Variants in PTOV1 observed in about 807,000 individuals in gnomAD.
The protein encoded by PTOV1 is prostate tumor-overexpressed gene 1 protein.
Under a neutral mutation model 58.0 loss-of-function variants are expected in PTOV1, and 20 were observed. The ratio of observed to expected loss-of-function variants is 0.34; its 90% confidence interval spans 0.24 to 0.50. The LOEUF (loss-of-function observed/expected upper bound fraction) is 0.50. PTOV1 is among the 20% of genes least tolerant of loss of function. The pLI, the probability that PTOV1 is intolerant of heterozygous loss-of-function variation, is 0.98. For synonymous variants in PTOV1, 335 were observed against 234.2 expected (o/e 1.43, Z -3.93); for missense variants, 593 against 565.4 (o/e 1.05, Z -0.50).
At chr19:49,860,376 G>A (rs1008067902) in exon 12 of PTOV1, 1 of 521,394 alleles carries the variant, frequency 1.9e-6, no homozygotes, top group Non-Finnish European at 3.5e-6. Flanking sequence ...GGACCCTGGG[G>A]CATGTGGGGG....
intron 5 of PTOV1, chr19:49,856,603 A>G: frequency 4.0e-6 from 1 of 247,670 alleles, no homozygotes; most frequent in Non-Finnish European, 7.9e-6. Context: ...GTGTTAGGTC[A>G]CACAGCTAGG....
intron 5 of PTOV1, 61 bp from the exon 6 acceptor site, chr19:49,856,914 G>A (rs1190817495): frequency 1.3e-6 from 2 of 1,597,070 alleles, no homozygotes; most frequent in Non-Finnish European, 1.7e-6. Context: ...GCGGTCCAGG[G>A]TGGTGGGGGC....
intron 1 of PTOV1, among the ~76,000 whole-genome samples, chr19:49,853,453 C>G (rs1027462983): frequency 1.4e-5 from 2 of 144,956 alleles, no homozygotes; most frequent in South Asian, 4.3e-4. Flanking sequence ...GTCAGGAGTT[C>G]GAGACCAGTC....
In PTOV1 at chr19:49,857,080, C is replaced by T; in HGVS notation, c.664C>T (p.Gln222Ter). 1 of 1,614,138 alleles carries T rather than the reference C, an allele frequency of 6.2e-7. No individual in the cohort carries two copies. The highest frequency in any genetic ancestry group is 8.5e-7 in the Non-Finnish European group (1 of 1,179,996). ...CTTCATGGGCCTCATCCCCTACGAC[C>T]AGAGCGGCTTCGTCAGTGCCATCCG... is the stretch of plus-strand genomic sequence containing the variant. The change falls in exon 6 of 12, where the codon CAG becomes TAG. Residue 222 changes from glutamine (Q) to a stop codon, truncating the protein, a stop_gained. Coordinates refer to ENST00000391842, the Ensembl canonical transcript of PTOV1. LOFTEE classifies it high-confidence loss of function.
intron 5 of PTOV1, chr19:49,856,690 T>A: frequency 2.4e-6 from 1 of 421,234 alleles, no homozygotes; most frequent in African/African-American, 2.0e-5. Context: ...TCAGGAGGGC[T>A]GGCGGCAGGG....
At chr19:49,859,943 C>T (rs372658361) in intron 10 of PTOV1, 43 bp from the exon 11 acceptor site, 22 of 1,602,284 alleles carry the variant, frequency 1.4e-5, no homozygotes, top group East Asian at 1.3e-4. Flanking sequence ...GGATGCTGGT[C>T]CCTGTGGTGC....
chr19:49,857,954 C>G (rs1276935311), exon 8 of PTOV1: 2 of 1,613,760 alleles, frequency 1.2e-6, no homozygotes, highest in Admixed American at 3.3e-5. Context: ...CATCCCACGT[C>G]TACGTGAACC....
chr19:49,851,128 T>A (rs2074223959), upstream of PTOV1: 4 of 1,333,240 alleles, frequency 3.0e-6, no homozygotes, highest in South Asian at 5.6e-5. Context: ...TCGGACGCGC[T>A]TGGTACGCGC....
Position 49,854,396 on chromosome 19 carries a change from T to A in PTOV1, c.172-10T>A, listed in dbSNP as rs1413180722. ...CTCAGTTTTCCCACCTATCCCCCAC[T>A]CCATTGCAGGAAGGTGCTCGGGTCT... On this transcript the variant is annotated splice_polypyrimidine_tract_variant and intron_variant, in intron 1 of 11. Coordinates refer to ENST00000391842, the Ensembl canonical transcript of PTOV1. 1 of 1,605,114 alleles carries A rather than the reference T, an allele frequency of 6.2e-7. No homozygotes were observed. The highest frequency in any genetic ancestry group is 1.7e-5 in the Admixed American group (1 of 59,598).
chr19:49,860,694 A>G (rs1217232313), exon 12 of PTOV1: 3 of 358,450 alleles, frequency 8.4e-6, no homozygotes, highest in African/African-American at 2.1e-5. Flanking sequence ...GCCTCCAAGG[A>G]CGGTCCCCAC....
chr19:49,854,675 C>T (rs1202961432), exon 3 of PTOV1: 6 of 1,613,380 alleles, frequency 3.7e-6, no homozygotes, highest in Admixed American at 3.3e-5. Context: ...ACTCTGACTC[C>T]ACTGCAAAGC....
At position 49,858,111 on chromosome 19, in the gene PTOV1, G is replaced by A. The variant is rs765512552; in HGVS notation, c.933G>A (p.Leu311=). 4.3e-6 allele frequency: 7 copies of A among 1,613,250 alleles called. No homozygotes were observed. The African/African-American group carries it at 6.7e-5, about 15-fold the overall frequency. ...ACATGCAGCTCATCCCGCAGCAGCT[G>A]CTGGTGAGGGGCTGGGGCCGGGTGC... is the stretch of plus-strand genomic sequence containing the variant. Residue 311 remains leucine (L), a synonymous_variant, in exon 9 of 12, where the codon CTG becomes CTA. Coordinates refer to ENST00000391842, the Ensembl canonical transcript of PTOV1.
chr19:49,851,544 C>T, intron 1 of PTOV1, 45 bp downstream of exon 1: 3 of 1,096,102 alleles, frequency 2.7e-6, no homozygotes, highest in African/African-American at 1.6e-5. Flanking sequence ...GGCCCCGCCC[C>T]CCCAGCCCCT....
Position 49,857,993 on chromosome 19 carries a change from G to T in PTOV1, c.878+16G>T. ...GGGAGATCCTGTGAGTGCTGGGCTG[G>T]GGGGTGGAGGCAGCATCCAGGGGAG... On this transcript the variant is annotated intron_variant, in intron 8 of 11. Coordinates refer to ENST00000391842, the Ensembl canonical transcript of PTOV1. The T allele has an allele frequency of 1.2e-6, 2 of 1,613,126 alleles. No individual in the cohort carries two copies. The highest frequency in any genetic ancestry group is 1.7e-6 in the Non-Finnish European group (2 of 1,179,428).
At chr19:49,857,401 C>G (rs894046855) in intron 6 of PTOV1, 2 of 608,760 alleles carry the variant, frequency 3.3e-6, no homozygotes, top group African/African-American at 3.7e-5. Flanking sequence ...GATCGTCCTG[C>G]GGCTGGAAGG....
intron 4 of PTOV1, 36 bp downstream of exon 4, chr19:49,854,924 C>CA: frequency 1.3e-6 from 2 of 1,556,190 alleles, no homozygotes; most frequent in East Asian, 2.4e-5. Flanking sequence ...CCACTCTGAG[C>CA]ACCCCCATGC....
At chr19:49,856,923 G>A (rs2122229538) in intron 5 of PTOV1, 52 bp from the exon 6 acceptor site, 1 of 1,602,740 alleles carries the variant, frequency 6.2e-7, no homozygotes, top group Non-Finnish European at 8.5e-7. Context: ...GGTGGTGGGG[G>A]CACAGTGGCC....
chr19:49,855,016 A>ACTT (rs1568641459), exon 5 of PTOV1: 1 of 1,600,884 alleles, frequency 6.2e-7, no homozygotes, highest in Admixed American at 1.7e-5. Flanking sequence ...GCACAGTTCC[A>ACTT]CTTCACCAAC....
At chr19:49,859,861 G>C in intron 10 of PTOV1, 125 bp from the exon 11 acceptor site, 1 of 1,022,872 alleles carries the variant, frequency 9.8e-7, no homozygotes, top group Non-Finnish European at 1.5e-6. Flanking sequence ...CAGGGTGGGT[G>C]GGGGGTGTGA....
Sources: gnomAD v4.1 joint callset for allele counts (sites outside exome capture counted in the v4.1 genomes callset) on GRCh38, gnomAD v4.1.1 for gene constraint, MANE v1.5 for transcripts, NCBI Gene and HGNC (gene_info 2026-07-23, HGNC 2026-07-21) for gene names.